LYPD6: variants seen among roughly 807,000 people sequenced by gnomAD.
The protein encoded by LYPD6 is LY6/PLAUR domain containing 6, also known as ly6/PLAUR domain-containing protein 6.
A neutral mutation model predicts 22.7 loss-of-function variants in LYPD6; 15 were observed. The observed-to-expected ratio is 0.66, with a 90% CI of 0.44 to 1.02. The LOEUF is 1.02. Ranked by LOEUF, LYPD6 falls within the 50% of genes least tolerant of loss-of-function variation. The pLI is 0.00. For missense variants in LYPD6, 189 were observed against 208.4 expected (o/e 0.91, Z 0.57); for synonymous variants, 72 against 77.5 (o/e 0.93, Z 0.37).
At chr2:149,406,548 A>G (rs1357043274) in intron 1 of LYPD6, among the ~76,000 whole-genome samples, 4 of 152,224 alleles carry the variant, frequency 2.6e-5, no homozygotes, top group Non-Finnish European at 5.9e-5. Flanking sequence ...AGAGACTAGG[A>G]TTGCAACCCC....
chr2:149,401,311 C>T (rs550816459), intron 1 of LYPD6, among the ~76,000 whole-genome samples: 3 of 152,286 alleles, frequency 2.0e-5, no homozygotes, highest in African/African-American at 4.8e-5. Context: ...TGGGTCAGGC[C>T]GGTTGCCACC....
chr2:149,336,185 A>G (rs1456425360), intron 1 of LYPD6, among the ~76,000 whole-genome samples: 1 of 152,256 alleles, frequency 6.6e-6, no homozygotes, highest in Non-Finnish European at 1.5e-5. Context: ...GAGTGGACAA[A>G]TAGCCTCTTC....
At chr2:149,404,992 C>T (rs546565668) in intron 1 of LYPD6, among the ~76,000 whole-genome samples, 2 of 152,230 alleles carry the variant, frequency 1.3e-5, no homozygotes, top group Non-Finnish European at 2.9e-5. Context: ...TTGAGATAAT[C>T]ATGTGGTTTT....
At chr2:149,443,020 T>G (rs1292476151) in intron 2 of LYPD6, among the ~76,000 whole-genome samples, 3 of 152,182 alleles carry the variant, frequency 2.0e-5, no homozygotes, top group Admixed American at 2.0e-4. Flanking sequence ...GTAAAAGAAT[T>G]TAAGCAAAGC....
intron 1 of LYPD6, among the ~76,000 whole-genome samples, chr2:149,402,714 C>CT (rs896055275): frequency 6.0e-5 from 9 of 151,124 alleles, no homozygotes; most frequent in South Asian, 2.1e-4. Flanking sequence ...CCTTAGCCCA[C>CT]TTTTTTTTTA....
At chr2:149,412,080 CTT>C (rs1682863405) in intron 1 of LYPD6, among the ~76,000 whole-genome samples, 1 of 152,080 alleles carries the variant, frequency 6.6e-6, no homozygotes, top group African/African-American at 2.4e-5. Flanking sequence ...TCTTGACACA[CTT>C]TTGAAATTTA....
intron 3 of LYPD6, among the ~76,000 whole-genome samples, chr2:149,457,535 C>T (rs1392833849): frequency 2.0e-5 from 3 of 152,160 alleles, no homozygotes; most frequent in Non-Finnish European, 4.4e-5. Flanking sequence ...ATTCCCTCTT[C>T]CCTGCCCGAA....
At chr2:149,349,247 C>G (rs986130640) in intron 1 of LYPD6, among the ~76,000 whole-genome samples, 2 of 151,978 alleles carry the variant, frequency 1.3e-5, no homozygotes, top group Non-Finnish European at 2.9e-5. Flanking sequence ...AGCAAATCCT[C>G]GAGAGTGAGG....
intron 2 of LYPD6, among the ~76,000 whole-genome samples, chr2:149,441,568 C>T (rs907109512): frequency 6.6e-6 from 1 of 152,176 alleles, no homozygotes; most frequent in Non-Finnish European, 1.5e-5. Flanking sequence ...AAAGAAACTT[C>T]ATGGCTTTCA....
chr2:149,350,066 T>A (rs1390739922), intron 1 of LYPD6, among the ~76,000 whole-genome samples: 1 of 152,182 alleles, frequency 6.6e-6, no homozygotes, highest in Non-Finnish European at 1.5e-5. Flanking sequence ...GGGGTTACAT[T>A]TTTAAAAAGG....
intron 1 of LYPD6, chr2:149,370,422 G>T (rs1469953927): frequency 1.3e-5 from 2 of 152,126 alleles, no homozygotes; most frequent in African/African-American, 4.8e-5. Context: ...ATTTACTCAT[G>T]AGGGTGGAGC....
downstream of LYPD6, among the ~76,000 whole-genome samples, chr2:149,474,568 AT>A (rs966955181): frequency 6.6e-6 from 1 of 152,046 alleles, no homozygotes; most frequent in African/African-American, 2.4e-5. Flanking sequence ...ACAAACTTAT[AT>A]GTTTTCTCTT....
At chr2:149,356,618 T>G (rs1681455115) in intron 1 of LYPD6, among the ~76,000 whole-genome samples, 1 of 152,216 alleles carries the variant, frequency 6.6e-6, no homozygotes, top group African/African-American at 2.4e-5. Context: ...AGAGCAGATC[T>G]CTTCTGATCC....
intron 1 of LYPD6, among the ~76,000 whole-genome samples, chr2:149,435,376 T>TA (rs1553442903): frequency 3.3e-5 from 5 of 152,268 alleles, no homozygotes; most frequent in Non-Finnish European, 7.3e-5. Flanking sequence ...TGTTTACAGT[T>TA]ACACACATAA....
At chr2:149,432,286 A>G (rs1188332715) in intron 1 of LYPD6, among the ~76,000 whole-genome samples, 1 of 152,270 alleles carries the variant, frequency 6.6e-6, no homozygotes, top group East Asian at 1.9e-4. Flanking sequence ...ATGTCCACAC[A>G]CAAACATGTA....
chr2:149,462,507 C>T (rs1558816677), intron 3 of LYPD6, among the ~76,000 whole-genome samples: 1 of 150,246 alleles, frequency 6.7e-6, no homozygotes. Context: ...ATAGGTTTAA[C>T]ACAATTCCTG....
At chr2:149,444,040 C>T (rs1683626838) in intron 2 of LYPD6, among the ~76,000 whole-genome samples, 1 of 149,990 alleles carries the variant, frequency 6.7e-6, no homozygotes, top group Admixed American at 6.7e-5. Context: ...CTCAAGCGAT[C>T]CTCCCACCTC....
At chr2:149,349,995 T>C (rs889300777) in intron 1 of LYPD6, among the ~76,000 whole-genome samples, 1 of 152,206 alleles carries the variant, frequency 6.6e-6, no homozygotes, top group Non-Finnish European at 1.5e-5. Flanking sequence ...ATTGAATAAC[T>C]TTACTTGCCT....
At chr2:149,404,733 C>G (rs1272848601) in intron 1 of LYPD6, among the ~76,000 whole-genome samples, 3 of 152,158 alleles carry the variant, frequency 2.0e-5, no homozygotes, top group Admixed American at 6.5e-5. Flanking sequence ...ATTTCCTTCT[C>G]CTGCCTAATT....
Sources: allele counts gnomAD v4.1 joint callset (sites outside exome capture counted in the v4.1 genomes callset), GRCh38; gene constraint gnomAD v4.1.1; transcripts MANE v1.5; gene names NCBI Gene and HGNC (gene_info 2026-07-23, HGNC 2026-07-21).